Variants in SI observed in about 807,000 individuals in gnomAD.
SI encodes sucrase-isomaltase, intestinal.
In SI, 235 loss-of-function variants were observed where a neutral mutation model predicts 253.3. The ratio of observed to expected loss-of-function variants is 0.93; its 90% CI spans 0.83 to 1.03. The LOEUF (loss-of-function observed/expected upper bound fraction) is 1.03, where lower values mean the gene tolerates loss of function less well. SI is among the 50% of genes least tolerant of loss of function. The pLI is 0.00. For missense variants in SI, 2,442 were observed against 2,211.1 expected (o/e 1.10, Z -2.09); for synonymous variants, 819 against 712.0 (o/e 1.15, Z -2.39).
chr3:165,049,723 G>T, intron 14 of SI, 68 bp downstream of exon 14: 1 of 880,002 alleles, frequency 1.1e-6, no homozygotes, highest in Non-Finnish European at 1.9e-6. Flanking sequence ...ATATATGTTA[G>T]AAATTACTAG....
chr3:165,075,789 AAGTGTTTC>A (rs1440879525), intron 2 of SI, 98 bp downstream of exon 2: 4 of 675,580 alleles, frequency 5.9e-6, no homozygotes, highest in African/African-American at 1.8e-5. Flanking sequence ...ATTTTTCTAT[AAGTGTTTC>A]ATCTTACACA....
chr3:165,033,269 T>C, intron 23 of SI, 126 bp downstream of exon 23: 1 of 681,958 alleles, frequency 1.5e-6, no homozygotes, highest in South Asian at 3.8e-5. Flanking sequence ...GAACAATTTA[T>C]TTCATTACAT....
At chr3:165,071,111 T>G (rs527707217) in intron 3 of SI, among the ~76,000 whole-genome samples, 1 of 152,256 alleles carries the variant, frequency 6.6e-6, no homozygotes, top group Non-Finnish European at 1.5e-5. Flanking sequence ...ACATCTTAAC[T>G]AATTGCTTCT....
intron 25 of SI, among the ~76,000 whole-genome samples, chr3:165,026,141 A>G (rs1576893658): frequency 6.6e-6 from 1 of 151,260 alleles, no homozygotes; most frequent in Non-Finnish European, 1.5e-5. Flanking sequence ...GGTAGAAAAA[A>G]ACATTCCATG....
At chr3:165,036,820 C>T (rs1453874030) in intron 21 of SI, among the ~76,000 whole-genome samples, 3 of 151,394 alleles carry the variant, frequency 2.0e-5, no homozygotes, top group Non-Finnish European at 4.4e-5. Context: ...TCAACTCAAC[C>T]TGTGTAATCC....
At chr3:165,072,356 T>C (rs532554755) in intron 3 of SI, among the ~76,000 whole-genome samples, 1 of 152,072 alleles carries the variant, frequency 6.6e-6, no homozygotes, top group East Asian at 1.9e-4. Flanking sequence ...TTGAAGTATT[T>C]TAAAGAATCT....
intron 13 of SI, among the ~76,000 whole-genome samples, chr3:165,054,450 G>A (rs1046936387): frequency 2.0e-5 from 3 of 152,090 alleles, no homozygotes; most frequent in African/African-American, 7.2e-5. Context: ...TGGCTCACAG[G>A]CAACCTCCAC....
intron 45 of SI, among the ~76,000 whole-genome samples, chr3:164,985,971 A>G (rs1299220817): frequency 3.9e-5 from 6 of 152,184 alleles, no homozygotes; most frequent in African/African-American, 1.2e-4. Flanking sequence ...AACAGTTATG[A>G]ATGGAATAAG....
At chr3:165,078,178 A>G (rs1280562054) in intron 1 of SI, among the ~76,000 whole-genome samples, 1 of 151,482 alleles carries the variant, frequency 6.6e-6, no homozygotes, top group South Asian at 2.1e-4. Flanking sequence ...AAAACTTGCT[A>G]TGATTCCACC....
chr3:165,026,946 A>T (rs1711953831), intron 25 of SI, among the ~76,000 whole-genome samples: 1 of 151,558 alleles, frequency 6.6e-6, no homozygotes, highest in Admixed American at 6.6e-5. Context: ...ACCAAAACTC[A>T]GAAGAAGAAA....
chr3:165,087,924 C>T, the SI span, among the ~76,000 whole-genome samples: 1 of 151,926 alleles, frequency 6.6e-6, no homozygotes. Context: ...AGTTTTAATG[C>T]CAGAAGGTAT....
In SI at chr3:165,037,938, G is replaced by A; in HGVS notation, c.2388C>T (p.Ile796=). The A allele has an allele frequency of 6.2e-7, 1 of 1,610,846 alleles. No individual in the cohort carries two copies. Among genetic ancestry groups the A allele is most frequent in the Non-Finnish European group, 8.5e-7 (1 of 1,177,964 alleles). ...TTACATCTGGTTCTTGAATGGGGAT[G>A]ATATAACCTCCTCTAAGATGTAATC... is the stretch of plus-strand genomic sequence containing the variant. The part of the protein sequence containing the change: ...KIGLHLRGGY[I]IPIQEPDVTT... The change falls in exon 21 of 48, where the codon ATC becomes ATT. Residue 796 remains isoleucine, a synonymous_variant. Transcript: ENST00000264382.
Position 165,006,972 on chromosome 3 carries a change from A to G in SI, c.4268-18T>C, listed in dbSNP as rs1718543249. 1.3e-6 allele frequency: 2 copies of G among 1,549,688 alleles called. No individual in the cohort carries two copies. On this transcript the variant is annotated intron_variant, in intron 36 of 47. Coordinates refer to ENST00000264382, the MANE Select transcript of SI (RefSeq NM_001041.4). ...TGTGAGTTCTGGAAAGAATCAATGA[A>G]AAAATATTAATATATTATACAGTGC...
At chr3:165,049,574 T>C (rs1419654947) in intron 14 of SI, among the ~76,000 whole-genome samples, 2 of 152,130 alleles carry the variant, frequency 1.3e-5, no homozygotes, top group African/African-American at 2.4e-5. Context: ...GTACATCATA[T>C]ATTTATGGAC....
intron 25 of SI, among the ~76,000 whole-genome samples, chr3:165,025,207 T>C (rs567746489): frequency 9.8e-4 from 148 of 150,920 alleles, no homozygotes; most frequent in Admixed American, 2.5e-3. Context: ...AACACAGAAA[T>C]GAAAGTCTCA....
Position 164,983,113 on chromosome 3 carries a change from C to T in SI, c.5198-62G>A, listed in dbSNP as rs899012222. ...TTCCAAAGAAGAACCATAGTAAATA[C>T]CTGTATACTTTGCTTCTCTTTCCCA... On this transcript the variant is annotated intron_variant, in intron 45 of 47. Coordinates refer to ENST00000264382, the MANE Select transcript of SI (RefSeq NM_001041.4). 7 of 1,451,048 alleles carry T rather than the reference C, an allele frequency of 4.8e-6. No individual in the cohort carries two copies. The African/African-American group carries it at 5.6e-5, about 12-fold the overall frequency. 89.9% of individuals were successfully genotyped at this position (1,451,048 alleles called of 1,614,324 possible).
At chr3:165,088,799 A>G in the SI span, among the ~76,000 whole-genome samples, 1 of 151,992 alleles carries the variant, frequency 6.6e-6, no homozygotes, top group Non-Finnish European at 1.5e-5. Context: ...CCAATTTCTG[A>G]CTAAATCATT....
At chr3:165,084,252 G>C in the SI span, among the ~76,000 whole-genome samples, 214 of 152,090 alleles carry the variant, frequency 1.4e-3, 2 homozygotes, top group African/African-American at 5.1e-3. Flanking sequence ...GCAGCATATT[G>C]ATCTTGGATT....
intron 9 of SI, among the ~76,000 whole-genome samples, chr3:165,060,564 T>C (rs967019145): frequency 3.3e-5 from 5 of 151,872 alleles, no homozygotes; most frequent in Non-Finnish European, 7.4e-5. Context: ...CTCTTTCTTA[T>C]TCACATGCAG....
Sources: allele counts gnomAD v4.1 joint callset (sites outside exome capture counted in the v4.1 genomes callset), GRCh38; gene constraint gnomAD v4.1.1; transcripts MANE v1.5; gene names NCBI Gene and HGNC (gene_info 2026-07-23, HGNC 2026-07-21).